ATP6V1H: variants seen among roughly 807,000 people sequenced by gnomAD.
ATP6V1H encodes the protein ATPase H+ transporting V1 subunit H, also known as V-type proton ATPase subunit H.
In ATP6V1H, 39 loss-of-function variants were observed where a neutral mutation model predicts 71.7. The observed-to-expected ratio is 0.54, with a 90% CI of 0.42 to 0.71. The LOEUF is 0.71. Among genes scored for constraint, ATP6V1H ranks in the 30% least tolerant of loss-of-function variants. ATP6V1H has a pLI of 0.00. For missense variants in ATP6V1H, 509 were observed against 594.9 expected (o/e 0.86, Z 1.50); for synonymous variants, 192 against 199.3 (o/e 0.96, Z 0.31).
At chr8:53,815,132 T>A (rs1810403337) in intron 5 of ATP6V1H, among the ~76,000 whole-genome samples, 1 of 152,130 alleles carries the variant, frequency 6.6e-6, no homozygotes, top group African/African-American at 2.4e-5. Context: ...TTCTAAGCAA[T>A]CTCTTCAACA....
chr8:53,723,860 A>G (rs1806711198), intron 13 of ATP6V1H, among the ~76,000 whole-genome samples: 1 of 152,224 alleles, frequency 6.6e-6, no homozygotes, highest in Admixed American at 6.5e-5. Flanking sequence ...TTTACTCAAA[A>G]CAGTAAACAG....
At position 53,739,398 on chromosome 8, in the gene ATP6V1H, C is replaced by T. The variant is rs189436312; in HGVS notation, c.1391+4179G>A. Among the ~76,000 whole-genome samples the T allele has an allele frequency of 2.5e-3, 376 of 152,166 alleles. 2 individuals are homozygous for T. Among genetic ancestry groups the T allele is most frequent in the African/African-American group, 8.6e-3 (359 of 41,524 alleles). ...ACCAGAGAACAAAGTAATATCCATA[C>T]CCTTGGCCTGGTGAGTTTTTCTGTT... On this transcript the variant is annotated intron_variant, in intron 13 of 13. Transcript: ENST00000359530.
chr8:53,823,113 C>T (rs1810713420), intron 4 of ATP6V1H, among the ~76,000 whole-genome samples: 1 of 151,518 alleles, frequency 6.6e-6, no homozygotes, highest in East Asian at 1.9e-4. Flanking sequence ...GTATAGAAAA[C>T]CTGTATCCTA....
At chr8:53,798,610 A>AACACACACACACAC (rs59831761) in intron 8 of ATP6V1H, among the ~76,000 whole-genome samples, 4 of 148,452 alleles carry the variant, frequency 2.7e-5, no homozygotes, top group Admixed American at 1.4e-4. Flanking sequence ...CAATGTGAGA[A>AACACACACACACAC]ACACACACAC....
At chr8:53,830,119 T>C (rs183544602) in intron 3 of ATP6V1H, among the ~76,000 whole-genome samples, 1 of 152,212 alleles carries the variant, frequency 6.6e-6, no homozygotes, top group Non-Finnish European at 1.5e-5. Context: ...TGAACCTTAT[T>C]ATGGGGCCAA....
At chr8:53,810,319 A>T (rs1810231813) in intron 7 of ATP6V1H, among the ~76,000 whole-genome samples, 1 of 152,244 alleles carries the variant, frequency 6.6e-6, no homozygotes, top group Non-Finnish European at 1.5e-5. Context: ...TTCCTAGAGC[A>T]CAGCAAAGTT....
chr8:53,782,711 G>A (rs1490131575), intron 9 of ATP6V1H, among the ~76,000 whole-genome samples: 2 of 152,120 alleles, frequency 1.3e-5, no homozygotes, highest in Non-Finnish European at 2.9e-5. Flanking sequence ...TTTGAGATAC[G>A]TCCCATCAAT....
At chr8:53,776,627 T>C (rs915952953) in intron 9 of ATP6V1H, among the ~76,000 whole-genome samples, 1 of 152,210 alleles carries the variant, frequency 6.6e-6, no homozygotes, top group Non-Finnish European at 1.5e-5. Flanking sequence ...AAGCCAGTTC[T>C]AGGATGTATC....
chr8:53,785,865 C>G (rs1809362927), intron 9 of ATP6V1H, among the ~76,000 whole-genome samples: 1 of 152,190 alleles, frequency 6.6e-6, no homozygotes, highest in Non-Finnish European at 1.5e-5. Flanking sequence ...TATTCGTGAA[C>G]CACAAATGCT....
intron 7 of ATP6V1H, among the ~76,000 whole-genome samples, chr8:53,808,461 T>A (rs935068971): frequency 2.6e-5 from 4 of 152,208 alleles, no homozygotes; most frequent in African/African-American, 9.6e-5. Flanking sequence ...TCCACTTATC[T>A]AATGTCATTT....
intron 11 of ATP6V1H, among the ~76,000 whole-genome samples, chr8:53,762,838 TCTTACAC>T (rs1335361405): frequency 4.0e-5 from 6 of 148,578 alleles, no homozygotes; most frequent in Admixed American, 2.7e-4. Context: ...ACATGGATTT[TCTTACAC>T]CCATTTGCCA....
chr8:53,835,922 G>C (rs1385112921), intron 2 of ATP6V1H, among the ~76,000 whole-genome samples: 1 of 151,946 alleles, frequency 6.6e-6, no homozygotes, highest in African/African-American at 2.4e-5. Flanking sequence ...GCTGAACTCT[G>C]GCATTATTTC....
chr8:53,784,606 T>C (rs1220497579), intron 9 of ATP6V1H, among the ~76,000 whole-genome samples: 7 of 152,220 alleles, frequency 4.6e-5, no homozygotes, highest in Non-Finnish European at 1.0e-4. Flanking sequence ...ATTCTGCTCG[T>C]TAGTTGATGC....
intron 10 of ATP6V1H, 106 bp from the exon 11 acceptor site, chr8:53,769,849 C>T (rs1469893639): frequency 1.3e-5 from 13 of 993,002 alleles, no homozygotes; most frequent in Non-Finnish European, 1.9e-5. Flanking sequence ...AAAGACTGAC[C>T]ATCCTTTGTA....
At chr8:53,808,148 C>T (rs530458105) in intron 7 of ATP6V1H, among the ~76,000 whole-genome samples, 14 of 152,326 alleles carry the variant, frequency 9.2e-5, no homozygotes, top group Admixed American at 5.9e-4. Flanking sequence ...TCTCATGAAT[C>T]GTTCTCTTGC....
intron 13 of ATP6V1H, among the ~76,000 whole-genome samples, chr8:53,724,359 T>G (rs1170518135): frequency 6.6e-6 from 1 of 152,160 alleles, no homozygotes; most frequent in Non-Finnish European, 1.5e-5. Flanking sequence ...GGGAAGAGAT[T>G]GCTAATGTTC....
In ATP6V1H at chr8:53,756,496, T is replaced by C. The variant is rs1808068173; in HGVS notation, c.1277+59A>G. ...TACTCCATTTTAGATAAGTACATTA[T>C]TTAGGACTCTACACTGAAGGTTTCA... is the stretch of plus-strand genomic sequence containing the variant. On this transcript the variant is annotated intron_variant, in intron 12 of 13. Coordinates refer to ENST00000359530, the MANE Select transcript of ATP6V1H (RefSeq NM_015941.4). 6.8e-6 allele frequency: 9 copies of C among 1,314,146 alleles called. No homozygotes were observed. The Admixed American group carries it at 1.5e-4, about 22-fold the overall frequency. 81.4% of individuals were successfully genotyped at this position (1,314,146 alleles called of 1,614,324 possible). A position where few individuals can be genotyped will look rare whatever the true frequency, so the allele number is the denominator to read the frequency against.
rs1276075912 is a variant in ATP6V1H at position 53,772,044 on chromosome 8, T to A, written c.994A>T (p.Ser332Cys). 1 of 1,614,120 alleles carries A rather than the reference T, an allele frequency of 6.2e-7. No homozygotes were observed. The highest frequency in any genetic ancestry group is 1.1e-5 in the South Asian group (1 of 91,080). The change falls in exon 10 of 14, where the codon AGC becomes TGC. Residue 332 changes from serine (S) to cysteine (C), a missense_variant. This residue lies in a region of ATP6V1H where 212 missense variants were observed against 291.6 expected (regional missense o/e 0.73). Transcript: ENST00000359530. ...TCCAAAAGAAATTTGATATCTTCGC[T>A]GATATCTTCATCATCGTACTTCTGC... Reference protein sequence around the residue: ...EQQKYDDEDISEDIKFLLEKL... With the variant: ...EQQKYDDEDICEDIKFLLEKL...
At chr8:53,758,454 T>A (rs563749825) in intron 11 of ATP6V1H, among the ~76,000 whole-genome samples, 6 of 152,326 alleles carry the variant, frequency 3.9e-5, no homozygotes, top group African/African-American at 1.4e-4. Flanking sequence ...ATCCCACTCA[T>A]TACCCTCGTG....
Sources: gnomAD v4.1 joint callset for allele counts (sites outside exome capture counted in the v4.1 genomes callset) on GRCh38, gnomAD v4.1.1 for gene constraint, gnomAD v4.1.1 regional missense constraint, MANE v1.5 for transcripts, NCBI Gene and HGNC (gene_info 2026-07-23, HGNC 2026-07-21) for gene names.